The following MAP3K15 variants were observed in gnomAD, a reference collection of about 807,000 sequenced individuals.
MAP3K15 encodes the protein mitogen-activated protein kinase kinase kinase 15.
MAP3K15 carries 124 observed loss-of-function variants against 99.5 expected under a neutral mutation model. The ratio of observed to expected loss-of-function variants is 1.25; its 90% CI spans 1.08 to 1.45. MAP3K15 has a LOEUF of 1.45. Ranked by LOEUF, MAP3K15 falls within the 40% of genes most tolerant of loss-of-function variation. The pLI, the probability that MAP3K15 is intolerant of heterozygous loss-of-function variation, is 0.00. For missense variants in MAP3K15, 1,242 were observed against 1,079.7 expected (o/e 1.15, Z -2.11); for synonymous variants, 494 against 439.6 (o/e 1.12, Z -1.55).
chrX:19,435,275 G>T (rs974414625), intron 6 of MAP3K15, among the ~76,000 whole-genome samples: 1 of 107,583 alleles, frequency 9.3e-6, no homozygotes, highest in African/African-American at 3.4e-5. Context: ...GCCCAGGCTG[G>T]AGTGCAGTGG....
intron 6 of MAP3K15, among the ~76,000 whole-genome samples, chrX:19,441,522 C>T (rs1008760145): frequency 8.9e-6 from 1 of 112,033 alleles, no homozygotes; most frequent in Non-Finnish European, 1.9e-5. Context: ...GTCGTCCAGG[C>T]TGGAGTGCAG....
At chrX:19,371,848 G>T (rs1457100182) in intron 22 of MAP3K15, among the ~76,000 whole-genome samples, 1 of 111,356 alleles carries the variant, frequency 9.0e-6, no homozygotes, top group Admixed American at 9.6e-5. Flanking sequence ...AATAAGGGAG[G>T]GGGGCCGGGC....
chrX:19,436,598 T>G (rs1055428452), intron 6 of MAP3K15, among the ~76,000 whole-genome samples: 1 of 111,290 alleles, frequency 9.0e-6, no homozygotes, highest in Admixed American at 9.6e-5. Flanking sequence ...TCCCCTAAAA[T>G]CCAGACTCAC....
intron 3 of MAP3K15, among the ~76,000 whole-genome samples, chrX:19,470,257 T>C (rs1343284438): frequency 9.0e-6 from 1 of 110,943 alleles, no homozygotes. Flanking sequence ...TGTAGGGACA[T>C]GGATGAAGCT....
At position 19,417,851 on chromosome X, in the gene MAP3K15, A is replaced by C. The variant is rs1007179152; in HGVS notation, c.1440-2594T>G. On this transcript the variant is annotated intron_variant, in intron 9 of 28. Coordinates refer to ENST00000338883, the MANE Select transcript of MAP3K15 (RefSeq NM_001001671.4). ...TACTCCTCTGAGACAAAACTTCCAGAGGAATGATCAGGCAACAACATCTGC... is the reference window on the plus strand; with the variant it reads ...TACTCCTCTGAGACAAAACTTCCAGCGGAATGATCAGGCAACAACATCTGC... 8.9e-5 allele frequency among the ~76,000 whole-genome samples: 10 copies of C among 111,905 alleles called. No individual in the cohort carries two copies. In the Admixed American group the frequency reaches 9.5e-4, roughly 11 times the overall value.
chrX:19,515,157 C>A lies in MAP3K15; in HGVS notation c.105G>T (p.Ala35=). Residue 35 remains alanine (A), a synonymous_variant, in exon 1 of 29, where the codon GCG becomes GCT. Transcript: ENST00000338883. ...CGCCCTCCGCCGCCCCGTCGGGCTC[C>A]GCCGGCCCGGCCGCGCCCTCCACCC... ...PPGVEGAAGP[A]EPDGAAEGAA... 3 of 804,045 alleles carry A rather than the reference C, an allele frequency of 3.7e-6. No individual in the cohort carries two copies. Among genetic ancestry groups the A allele is most frequent in the Non-Finnish European group, 4.5e-6 (3 of 666,243 alleles). The allele number at this position is 804,045 out of a possible 1,213,427, so 66.3% of individuals were successfully genotyped here.
At chrX:19,510,680 G>T (rs1044242792) in intron 1 of MAP3K15, among the ~76,000 whole-genome samples, 4 of 112,126 alleles carry the variant, frequency 3.6e-5, no homozygotes, top group Admixed American at 1.9e-4. Context: ...CATAGTGTTG[G>T]AAGTTCTGGC....
chrX:19,480,976 G>C lies in MAP3K15; in HGVS notation c.525+5506C>G, dbSNP rs961340202. Reference sequence around the variant, plus strand: ...CAAAAAATAAAAAAATTAGCTGGGCGTGGTGGTGCACACCTATAATTCCAG... The same window carrying C: ...CAAAAAATAAAAAAATTAGCTGGGCCTGGTGGTGCACACCTATAATTCCAG... On this transcript the variant is annotated intron_variant, in intron 3 of 28. Coordinates refer to ENST00000338883, the MANE Select transcript of MAP3K15 (RefSeq NM_001001671.4). Among the ~76,000 whole-genome samples, 3 of 108,584 alleles carry C rather than the reference G, an allele frequency of 2.8e-5. No homozygotes were observed. In the Admixed American group the frequency reaches 3.0e-4, roughly 11 times the overall value. The allele number at this position is 108,584 out of a possible 115,157, so 94.3% of individuals were successfully genotyped here.
At chrX:19,394,789 CTTTTTTTT>C (rs144723219) in intron 16 of MAP3K15, among the ~76,000 whole-genome samples, 1 of 17,512 alleles carries the variant, frequency 5.7e-5, no homozygotes, top group Admixed American at 1.1e-3. Context: ...GGGTCTGTTG[CTTTTTTTT>C]TTTTTTTTTT....
At chrX:19,473,427 A>G (rs2064220445) in intron 3 of MAP3K15, among the ~76,000 whole-genome samples, 1 of 112,462 alleles carries the variant, frequency 8.9e-6, no homozygotes, top group African/African-American at 3.2e-5. Flanking sequence ...TTACCATAAC[A>G]CATGTTCAAT....
chrX:19,380,628 C>T (rs1209921281), intron 18 of MAP3K15, among the ~76,000 whole-genome samples: 2 of 111,421 alleles, frequency 1.8e-5, no homozygotes, highest in African/African-American at 3.3e-5. Context: ...CGGGTTCAAG[C>T]GATTCTCACG....
rs780969640 is a variant in MAP3K15, at chrX:19,515,026, G to A, written c.236C>T (p.Pro79Leu). Reference sequence around the variant, plus strand: ...CAGGCACTGCCGCGCCCCAGCCTCCGGGCCGCCGGCCGCGCCGCCCTGGGA... The same window carrying A: ...CAGGCACTGCCGCGCCCCAGCCTCCAGGCCGCCGGCCGCGCCGCCCTGGGA... Reference protein sequence around the residue: ...ESSQGGAAGGPEAGARQCLLR... With the variant: ...ESSQGGAAGGLEAGARQCLLR... Residue 79 changes from proline to leucine, a missense_variant, in exon 1 of 29, where the codon CCG (proline) becomes CTG (leucine). Pro to Leu is a moderately conservative substitution (Grantham distance 98). Coordinates refer to ENST00000338883, the MANE Select transcript of MAP3K15 (RefSeq NM_001001671.4). The A allele has an allele frequency of 1.3e-5, 14 of 1,064,852 alleles. No individual in the cohort carries two copies. The African/African-American group carries it at 2.4e-4, about 18-fold the overall frequency. The allele number at this position is 1,064,852 out of a possible 1,213,427, so 87.8% of individuals were successfully genotyped here. A position where few individuals can be genotyped will look rare whatever the true frequency, so the allele number is the denominator to read the frequency against.
At chrX:19,398,451 A>T (rs1046679342) in intron 14 of MAP3K15, 92 bp from the exon 15 acceptor site, 4 of 960,227 alleles carry the variant, frequency 4.2e-6, no homozygotes, top group African/African-American at 3.9e-5. Flanking sequence ...AACTAAAAAA[A>T]ATATAAATAA....
chrX:19,479,078 G>T (rs1010975250), intron 3 of MAP3K15, among the ~76,000 whole-genome samples: 6 of 111,457 alleles, frequency 5.4e-5, no homozygotes, highest in Non-Finnish European at 7.5e-5. Context: ...TAGTCTTGGG[G>T]TATATATGAC....
At chrX:19,510,677 T>C (rs2064511395) in intron 1 of MAP3K15, among the ~76,000 whole-genome samples, 1 of 112,074 alleles carries the variant, frequency 8.9e-6, no homozygotes, top group Admixed American at 9.5e-5. Context: ...CAACATAGTG[T>C]TGGAAGTTCT....
intron 3 of MAP3K15, among the ~76,000 whole-genome samples, chrX:19,467,203 G>C (rs1019845112): frequency 9.0e-6 from 1 of 110,856 alleles, no homozygotes; most frequent in African/African-American, 3.3e-5. Flanking sequence ...AGATTCTGCA[G>C]CATTTGGGCC....
intron 14 of MAP3K15, among the ~76,000 whole-genome samples, chrX:19,399,754 A>C (rs1348433637): frequency 2.0e-5 from 2 of 101,000 alleles, no homozygotes; most frequent in African/African-American, 4.1e-5. Flanking sequence ...AAAAAAAAAA[A>C]AAAAAAAAAA....
intron 1 of MAP3K15, among the ~76,000 whole-genome samples, chrX:19,494,707 A>T (rs1379848025): frequency 9.1e-6 from 1 of 110,457 alleles, no homozygotes; most frequent in Non-Finnish European, 1.9e-5. Context: ...ATACCAGGTT[A>T]TCCTTAAGTC....
intron 3 of MAP3K15, among the ~76,000 whole-genome samples, chrX:19,469,775 A>C (rs1474834241): frequency 9.0e-6 from 1 of 111,541 alleles, no homozygotes; most frequent in Non-Finnish European, 1.9e-5. Flanking sequence ...GAAGACATTT[A>C]TGCAGCCAAA....
Sources: allele counts gnomAD v4.1 joint callset (sites outside exome capture counted in the v4.1 genomes callset), GRCh38; gene constraint gnomAD v4.1.1; transcripts MANE v1.5; gene names NCBI Gene and HGNC (gene_info 2026-07-23, HGNC 2026-07-21).